Variants in TMEM178B observed in about 807,000 individuals in gnomAD.
TMEM178B encodes the protein transmembrane protein 178B.
In TMEM178B, 5 loss-of-function variants were observed where a neutral mutation model predicts 31.0. The ratio of observed to expected loss-of-function variants is 0.16; its 90% CI spans 0.08 to 0.34. TMEM178B has a LOEUF of 0.34. TMEM178B is among the 10% of genes least tolerant of loss of function. The pLI, the probability that TMEM178B is intolerant of heterozygous loss-of-function variation, is 1.00. For synonymous variants in TMEM178B, 164 were observed against 164.0 expected, an observed-to-expected ratio of 1.00 and a Z score of 0.00; for missense variants, 275 against 400.3, an observed-to-expected ratio of 0.69 and a Z score of 2.67.
rs546159618 is a variant in TMEM178B at position 141,302,548 on chromosome 7, G to T, written c.496+89844G>T. Among the ~76,000 whole-genome samples, 4 of 152,174 alleles carry T rather than the reference G, an allele frequency of 2.6e-5. No individual in the cohort carries two copies. The South Asian group carries it at 8.3e-4, about 32-fold the overall frequency. ...TGGGTACAGAGTTTCAGTTTGGGAA[G>T]ATGAAAAGTTCTGGAGATGGATGGT... On this transcript the variant is annotated intron_variant, in intron 2 of 3. Coordinates refer to ENST00000565468, the MANE Select transcript of TMEM178B (RefSeq NM_001195278.2).
At position 141,074,282 on chromosome 7, in the gene TMEM178B, T is replaced by C. The variant is rs1453817077; in HGVS notation, c.-29T>C. 7.4e-6 allele frequency: 11 copies of C among 1,491,666 alleles called. No individual in the cohort carries two copies. The highest frequency in any genetic ancestry group is 1.4e-5 in the African/African-American group (1 of 71,856). 92.4% of individuals were successfully genotyped at this position (1,491,666 alleles called of 1,614,324 possible). On this transcript the variant is annotated 5_prime_UTR_variant, in exon 1 of 4. An upstream start codon of the reference 5' UTR is lost. Transcript: ENST00000565468. This position sits in a 1 kb window ranked among gnomAD's most constrained non-coding sequence, Gnocchi z 5.1. ...GGGAAGGCGAGGCTGCGGCGGATCA[T>C]GCCCATGGTGTAGCCGCCAAGCGGA...
intron 2 of TMEM178B, among the ~76,000 whole-genome samples, chr7:141,226,903 G>A (rs1326814634): frequency 2.0e-5 from 3 of 150,848 alleles, no homozygotes; most frequent in Middle Eastern, 3.2e-3. Context: ...TACTAGTTCC[G>A]TTTTGATCCC....
At chr7:141,462,557 C>G (rs1182216565) in intron 3 of TMEM178B, among the ~76,000 whole-genome samples, 1 of 151,786 alleles carries the variant, frequency 6.6e-6, no homozygotes, top group Admixed American at 6.6e-5. Context: ...GGAGCCAGGG[C>G]AGCTTGGAAA....
chr7:141,268,164 G>A (rs2116373671), intron 2 of TMEM178B, among the ~76,000 whole-genome samples: 1 of 152,230 alleles, frequency 6.6e-6, no homozygotes, highest in South Asian at 2.1e-4. Context: ...GCAATAACAT[G>A]TCTGATCAGG....
chr7:141,219,994 G>A (rs761394282), intron 2 of TMEM178B, among the ~76,000 whole-genome samples: 1 of 152,102 alleles, frequency 6.6e-6, no homozygotes, highest in African/African-American at 2.4e-5. Flanking sequence ...TGATGGCAAG[G>A]GAATTATAGG....
At chr7:141,251,659 AC>A (rs1297202653) in intron 2 of TMEM178B, among the ~76,000 whole-genome samples, 1 of 152,222 alleles carries the variant, frequency 6.6e-6, no homozygotes, top group African/African-American at 2.4e-5. Context: ...AACTTATAAA[AC>A]AAATTTAGAG....
intron 1 of TMEM178B, among the ~76,000 whole-genome samples, chr7:141,091,520 G>A (rs55971084): frequency 0.12 from 17,611 of 152,056 alleles, 1,213 homozygotes; most frequent in African/African-American, 0.19. Context: ...CATATCTTTA[G>A]TGGTGTGGTG....
At chr7:141,495,843 A>G in the TMEM178B span, among the ~76,000 whole-genome samples, 1 of 152,366 alleles carries the variant, frequency 6.6e-6, no homozygotes, top group African/African-American at 2.4e-5. Context: ...GGAGACTAGC[A>G]GTTTCCAGAA....
At chr7:141,367,968 C>T (rs559388292) in intron 2 of TMEM178B, among the ~76,000 whole-genome samples, 4 of 152,140 alleles carry the variant, frequency 2.6e-5, no homozygotes, top group Non-Finnish European at 4.4e-5. Flanking sequence ...AGGCCCAAGA[C>T]CCAAGAGAAG....
chr7:141,364,659 CAAAAAAAAAA>C (rs980786132), intron 2 of TMEM178B, among the ~76,000 whole-genome samples: 4 of 47,718 alleles, frequency 8.4e-5, no homozygotes, highest in Admixed American at 5.4e-4. Flanking sequence ...GACTCTGTCT[CAAAAAAAAAA>C]AAAAAAAAAA....
intron 2 of TMEM178B, among the ~76,000 whole-genome samples, chr7:141,224,870 T>A (rs1214892897): frequency 6.6e-6 from 1 of 152,142 alleles, no homozygotes; most frequent in Non-Finnish European, 1.5e-5. Context: ...GGCTGGGTCT[T>A]TACACTCCCA....
rs528904364 is a variant in TMEM178B at position 141,477,416 on chromosome 7, CAGG to C, written c.*6634_*6636del. 7.3e-4 allele frequency: 111 copies of C among 152,488 alleles called. 1 individual carries two copies. Among genetic ancestry groups the C allele is most frequent in the African/African-American group, 2.5e-3 (105 of 41,566 alleles). 9.4% of individuals were successfully genotyped at this position (152,488 alleles called of 1,614,324 possible). On this transcript the variant is annotated 3_prime_UTR_variant, in exon 4 of 4. Coordinates refer to ENST00000565468, the MANE Select transcript of TMEM178B (RefSeq NM_001195278.2). Reference sequence around the variant, plus strand: ...TATGAAGGGAGGGATACCATTGACACAGGAGGTTTTTTTCTGGTTGTTTCTCTC... The same window carrying C: ...TATGAAGGGAGGGATACCATTGACACAGGTTTTTTTCTGGTTGTTTCTCTC...
the TMEM178B span, among the ~76,000 whole-genome samples, chr7:141,489,863 A>G: frequency 1.3e-5 from 2 of 152,350 alleles, no homozygotes; most frequent in Admixed American, 6.5e-5. Flanking sequence ...TGCAGTACAC[A>G]ACCTGGACAA....
intron 1 of TMEM178B, among the ~76,000 whole-genome samples, chr7:141,103,945 C>G (rs1484285231): frequency 6.6e-6 from 1 of 152,152 alleles, no homozygotes; most frequent in African/African-American, 2.4e-5. Flanking sequence ...TGCATAATCA[C>G]TGTTGACAGA....
At chr7:141,305,036 C>T (rs1798792765) in intron 2 of TMEM178B, among the ~76,000 whole-genome samples, 1 of 152,150 alleles carries the variant, frequency 6.6e-6, no homozygotes, top group South Asian at 2.1e-4. Flanking sequence ...ATTTCCACTC[C>T]ACACTGTCCT....
chr7:141,271,498 G>A (rs1798180528), intron 2 of TMEM178B, among the ~76,000 whole-genome samples: 1 of 152,180 alleles, frequency 6.6e-6, no homozygotes, highest in African/African-American at 2.4e-5. Context: ...ATGGGCCCCA[G>A]TGCATAGGAA....
intron 2 of TMEM178B, among the ~76,000 whole-genome samples, chr7:141,350,476 T>A (rs1300583091): frequency 6.6e-6 from 1 of 152,176 alleles, no homozygotes; most frequent in East Asian, 1.9e-4. Context: ...AGAAGATAAT[T>A]AATATTTGTT....
chr7:141,408,646 G>A lies in TMEM178B; in HGVS notation c.497-28962G>A, dbSNP rs138776938. Among the ~76,000 whole-genome samples the A allele has an allele frequency of 1.6e-3, 250 of 152,262 alleles. 1 individual carries two copies. Among genetic ancestry groups the A allele is most frequent in the South Asian group, 6.4e-3 (31 of 4,826 alleles). ...GATGAATGAATGAATGAATGAATGA[G>A]CATGGGGGCAGAGAGAATGCAGTGT... On this transcript the variant is annotated intron_variant, in intron 2 of 3. Coordinates refer to ENST00000565468, the MANE Select transcript of TMEM178B (RefSeq NM_001195278.2).
At chr7:141,451,142 G>C (rs754485782) in intron 3 of TMEM178B, among the ~76,000 whole-genome samples, 1 of 152,166 alleles carries the variant, frequency 6.6e-6, no homozygotes, top group Admixed American at 6.5e-5. Context: ...TTCTGCTACC[G>C]AAGTGTTAAC....
Sources: allele counts gnomAD v4.1 joint callset (sites outside exome capture counted in the v4.1 genomes callset), GRCh38; gene constraint gnomAD v4.1.1; non-coding constraint Gnocchi (gnomAD v3.1); transcripts MANE v1.5; gene names NCBI Gene and HGNC (gene_info 2026-07-23, HGNC 2026-07-21).